CAMSAP1: variants seen among roughly 807,000 people sequenced by gnomAD.
CAMSAP1 encodes the protein calmodulin-regulated spectrin-associated protein 1.
Under a neutral mutation model 143.5 loss-of-function variants are expected in CAMSAP1, and 58 were observed. The observed-to-expected ratio is 0.40, with a 90% CI of 0.33 to 0.50. The LOEUF (loss-of-function observed/expected upper bound fraction) is 0.50. Ranked by LOEUF, CAMSAP1 falls within the 20% of genes least tolerant of loss-of-function variation. The probability of loss-of-function intolerance (pLI) is 0.45; values close to 1 mark genes in which losing one functional copy is unlikely to be tolerated. For missense variants in CAMSAP1, 1,969 were observed against 2,115.7 expected, an observed-to-expected ratio of 0.93 and a Z score of 1.36; for synonymous variants, 945 against 859.3, an observed-to-expected ratio of 1.10 and a Z score of -1.74.
In CAMSAP1 at chr9:135,892,848, C is replaced by CAAAAAAAAAAAA. The variant is rs59978082; in HGVS notation, c.161-9782_161-9771dup. ...CCTGGGCAACAGAGCAAGACTGTCT[C>CAAAAAAAAAAAA]AAAAAAAAAAAAAAAAAAAGAACTA... On this transcript the variant is annotated intron_variant, in intron 1 of 16. Coordinates refer to ENST00000389532, the MANE Select transcript of CAMSAP1 (RefSeq NM_015447.4). Among the ~76,000 whole-genome samples the CAAAAAAAAAAAA allele has an allele frequency of 4.9e-3, 208 of 42,040 alleles. 15 individuals carry two copies. Among genetic ancestry groups the CAAAAAAAAAAAA allele is most frequent in the Non-Finnish European group, 5.6e-3 (133 of 23,596 alleles). The allele number at this position is 42,040 out of a possible 152,430, so 27.6% of individuals were successfully genotyped here.
rs779667696 is a variant in CAMSAP1, at chr9:135,821,387, G to A, written c.3274C>T (p.Arg1092Trp). ...CGGGAATTCCGGCCTTGACCCAGCC[G>A]GGGGGCTTTGCGGTGGCCAGCCACG... ...TGVAGHRKAPRLGQGRNSRSG... is the reference protein window; with the variant it reads ...TGVAGHRKAPWLGQGRNSRSG... Residue 1092 changes from arginine (R) to tryptophan (W), a missense_variant, in exon 11 of 17, where the codon CGG (arginine) becomes TGG (tryptophan). Arg to Trp is a moderately radical substitution (Grantham distance 101). Coordinates refer to ENST00000389532, the MANE Select transcript of CAMSAP1 (RefSeq NM_015447.4). This position sits in a 1 kb window ranked among gnomAD's most constrained non-coding sequence, Gnocchi z 4.6. 32 of 1,613,580 alleles carry A rather than the reference G, an allele frequency of 2.0e-5. No homozygotes were observed. The highest frequency in any genetic ancestry group is 9.3e-5 in the African/African-American group (7 of 74,940).
In CAMSAP1 at chr9:135,818,748, C is replaced by T. The variant is rs1835333784; in HGVS notation, c.3960-132G>A. 1 of 1,196,638 alleles carries T rather than the reference C, an allele frequency of 8.4e-7. No homozygotes were observed. The highest frequency in any genetic ancestry group is 2.6e-5 in the East Asian group (1 of 38,952). 74.1% of individuals were successfully genotyped at this position (1,196,638 alleles called of 1,614,324 possible). On this transcript the variant is annotated intron_variant, in intron 12 of 16. Coordinates refer to ENST00000389532, the MANE Select transcript of CAMSAP1 (RefSeq NM_015447.4). The surrounding 1 kb of genome is among the most constrained non-coding windows in gnomAD (Gnocchi z 7.7). ...TGGGACCAAGAGTGGCCAGCCTCCA[C>T]AAGCGGGACACAGAGGCTGCAAAGG...
At chr9:135,832,946 C>T (rs1383286078) in intron 7 of CAMSAP1, among the ~76,000 whole-genome samples, 1 of 152,126 alleles carries the variant, frequency 6.6e-6, no homozygotes, top group Non-Finnish European at 1.5e-5. Flanking sequence ...GTCAAAATGT[C>T]CATACTACCA....
At chr9:135,865,970 G>A (rs1190253843) in intron 4 of CAMSAP1, among the ~76,000 whole-genome samples, 1 of 152,212 alleles carries the variant, frequency 6.6e-6, no homozygotes, top group African/African-American at 2.4e-5. Flanking sequence ...GAAGAAAAAG[G>A]CTAATGGCTG....
At chr9:135,885,210 T>A (rs1339727095) in intron 1 of CAMSAP1, among the ~76,000 whole-genome samples, 1 of 152,138 alleles carries the variant, frequency 6.6e-6, no homozygotes, top group Non-Finnish European at 1.5e-5. Flanking sequence ...CACTCCTCCC[T>A]AATGACCTAA....
chr9:135,893,617 G>T (rs771591487), intron 1 of CAMSAP1, among the ~76,000 whole-genome samples: 12 of 152,110 alleles, frequency 7.9e-5, no homozygotes, highest in Non-Finnish European at 1.8e-4. Context: ...GGAAGGAGAA[G>T]AAAAAATGGG....
In CAMSAP1 at chr9:135,859,409, G is replaced by C. The variant is rs1009913229; in HGVS notation, c.808+3058C>G. 2.0e-5 allele frequency among the ~76,000 whole-genome samples: 3 copies of C among 152,136 alleles called. No homozygotes were observed. The South Asian group carries it at 6.2e-4, about 32-fold the overall frequency. On this transcript the variant is annotated intron_variant, in intron 5 of 16. Transcript: ENST00000389532. ...ACTCTGCCATTTTGTTTGTTTGTTT[G>C]TTTGAGACAGTCTCGCTCTGTCACC...
At chr9:135,840,636 G>C (rs1419799018) in intron 7 of CAMSAP1, among the ~76,000 whole-genome samples, 1 of 152,186 alleles carries the variant, frequency 6.6e-6, no homozygotes, top group Non-Finnish European at 1.5e-5. Flanking sequence ...AACACAGAAG[G>C]CGGGTGATTT....
At chr9:135,890,205 G>A (rs539239566) in intron 1 of CAMSAP1, among the ~76,000 whole-genome samples, 7 of 152,050 alleles carry the variant, frequency 4.6e-5, no homozygotes, top group Non-Finnish European at 1.0e-4. Flanking sequence ...ACTCACACCT[G>A]TGGAATGCTC....
At position 135,811,710 on chromosome 9, in the gene CAMSAP1, G is replaced by T. The variant is rs1041126810; in HGVS notation, c.4507-99C>A. ...AGCGGCTCAACCAGCACCGCTCCGTGGGAAGCTCTCCCACCCGTCAGCTAC... is the reference window on the plus strand; with the variant it reads ...AGCGGCTCAACCAGCACCGCTCCGTTGGAAGCTCTCCCACCCGTCAGCTAC... On this transcript the variant is annotated intron_variant, in intron 16 of 16. Coordinates refer to ENST00000389532, the MANE Select transcript of CAMSAP1 (RefSeq NM_015447.4). The surrounding 1 kb of genome is among the most constrained non-coding windows in gnomAD (Gnocchi z 4.9). 29 of 1,193,376 alleles carry T rather than the reference G, an allele frequency of 2.4e-5. No homozygotes were observed. Among genetic ancestry groups the T allele is most frequent in the Non-Finnish European group, 3.3e-5 (28 of 850,676 alleles). 73.9% of individuals were successfully genotyped at this position (1,193,376 alleles called of 1,614,324 possible).
chr9:135,847,100 C>T (rs1374648972), intron 7 of CAMSAP1, among the ~76,000 whole-genome samples: 1 of 152,068 alleles, frequency 6.6e-6, no homozygotes, highest in Non-Finnish European at 1.5e-5. Context: ...GTAATCCCAG[C>T]ACTTTGGGAG....
rs59978082 is a variant in CAMSAP1, at chr9:135,892,848, C to CAAAAAAAAAAAAAAAAAAAAAAAAAAAAA, written c.161-9771_161-9770insTTTTTTTTTTTTTTTTTTTTTTTTTTTTT. ...CCTGGGCAACAGAGCAAGACTGTCT[C>CAAAAAAAAAAAAAAAAAAAAAAAAAAAAA]AAAAAAAAAAAAAAAAAAAGAACTA... is the stretch of plus-strand genomic sequence containing the variant. On this transcript the variant is annotated intron_variant, in intron 1 of 16. Transcript: ENST00000389532. Among the ~76,000 whole-genome samples the CAAAAAAAAAAAAAAAAAAAAAAAAAAAAA allele has an allele frequency of 7.4e-4, 31 of 42,062 alleles. 3 individuals carry two copies. The highest frequency in any genetic ancestry group is 8.5e-4 in the Non-Finnish European group (20 of 23,608). 27.6% of individuals were successfully genotyped at this position (42,062 alleles called of 152,430 possible).
In CAMSAP1 at chr9:135,851,425, T is replaced by G. The variant is rs550995912; in HGVS notation, c.809-964A>C. ...AGAAAACTTTAAAGCTGAGGAACTG[T>G]GCACACTCACACTGCTAAGGATGTT... On this transcript the variant is annotated intron_variant, in intron 5 of 16. Transcript: ENST00000389532. 2.0e-5 allele frequency among the ~76,000 whole-genome samples: 3 copies of G among 152,336 alleles called. No homozygotes were observed. The South Asian group carries it at 6.2e-4, about 32-fold the overall frequency.
At chr9:135,900,171 G>A (rs899272690) in intron 1 of CAMSAP1, among the ~76,000 whole-genome samples, 5 of 151,908 alleles carry the variant, frequency 3.3e-5, no homozygotes, top group South Asian at 2.1e-4. Flanking sequence ...GACAACAGGC[G>A]TGCACCACCA....
chr9:135,903,740 C>T (rs1838684059), intron 1 of CAMSAP1, among the ~76,000 whole-genome samples: 1 of 152,218 alleles, frequency 6.6e-6, no homozygotes, highest in Non-Finnish European at 1.5e-5. Context: ...CCCCCAAAAG[C>T]GATTTCCAAT....
chr9:135,875,788 A>G (rs530561979), intron 3 of CAMSAP1, among the ~76,000 whole-genome samples: 16 of 152,324 alleles, frequency 1.1e-4, no homozygotes. Flanking sequence ...AATGAACTCA[A>G]AGTGGGTCAC....
chr9:135,884,117 C>T (rs900227166), intron 1 of CAMSAP1, among the ~76,000 whole-genome samples: 3 of 152,134 alleles, frequency 2.0e-5, no homozygotes, highest in South Asian at 2.1e-4. Flanking sequence ...TAATGTGCCC[C>T]GCGCCCAACA....
chr9:135,845,397 G>A (rs977076034), intron 7 of CAMSAP1, among the ~76,000 whole-genome samples: 7 of 152,036 alleles, frequency 4.6e-5, no homozygotes, highest in South Asian at 4.2e-4. Flanking sequence ...TAGACAAACC[G>A]ACAGCCAACA....
At position 135,817,768 on chromosome 9, in the gene CAMSAP1, G is replaced by A. The variant is rs1457434303; in HGVS notation, c.4271+209C>T. ...GGTGGGGGACAGGGGAGGGTGATAA[G>A]GTGAAGGCTGCCACGTTTAACCAGC... is the stretch of plus-strand genomic sequence containing the variant. On this transcript the variant is annotated intron_variant, in intron 14 of 16. Transcript: ENST00000389532. The A allele has an allele frequency of 9.0e-6, 5 of 553,702 alleles. 1 individual carries two copies. In the East Asian group the frequency reaches 1.6e-4, roughly 17 times the overall value. The allele number at this position is 553,702 out of a possible 1,614,324, so 34.3% of individuals were successfully genotyped here. A position where few individuals can be genotyped will look rare whatever the true frequency, so the allele number is the denominator to read the frequency against.
Sources: gnomAD v4.1 joint callset for allele counts (sites outside exome capture counted in the v4.1 genomes callset) on GRCh38, gnomAD v4.1.1 for gene constraint, Gnocchi (gnomAD v3.1) non-coding constraint, MANE v1.5 for transcripts, NCBI Gene and HGNC (gene_info 2026-07-23, HGNC 2026-07-21) for gene names.